Variants in EZH2 observed in about 807,000 individuals in gnomAD.
The protein encoded by EZH2 is enhancer of zeste 2 polycomb repressive complex 2 subunit.
EZH2 carries 18 observed loss-of-function variants against 98.4 expected under a neutral mutation model. The observed-to-expected ratio is 0.18, with a 90% confidence interval of 0.13 to 0.27. The LOEUF (loss-of-function observed/expected upper bound fraction) is 0.27, where lower values mean the gene tolerates loss of function less well. Ranked by LOEUF, EZH2 falls within the 10% of genes least tolerant of loss-of-function variation. EZH2 has a pLI of 1.00. For synonymous variants in EZH2, 338 were observed against 312.3 expected, an observed-to-expected ratio of 1.08 and a Z score of -0.87; for missense variants, 470 against 935.1, an observed-to-expected ratio of 0.50 and a Z score of 6.49.
At chr7:148,818,990 C>T in intron 9 of EZH2, 1 of 453,560 alleles carries the variant, frequency 2.2e-6, no homozygotes, top group African/African-American at 2.0e-5. Flanking sequence ...TCTGCAGGTG[C>T]CATTCAATGA....
intron 12 of EZH2, 59 bp downstream of exon 12, chr7:148,816,625 G>T: frequency 7.8e-7 from 1 of 1,287,098 alleles, no homozygotes. Flanking sequence ...CTTAGGAAGG[G>T]CCTTGCCTGC....
rs183884478 is a variant in EZH2, at chr7:148,837,117, C to T, written c.247-4367G>A. 7.7e-4 allele frequency: 294 copies of T among 380,694 alleles called. 4 individuals carry two copies. The Admixed American group carries it at 9.6e-3, about 12-fold the overall frequency. The allele number at this position is 380,694 out of a possible 1,614,324, so 23.6% of individuals were successfully genotyped here. A position where few individuals can be genotyped will look rare whatever the true frequency, so the allele number is the denominator to read the frequency against. On this transcript the variant is annotated intron_variant, in intron 3 of 19. Transcript: ENST00000320356. ...ACTACCCTGTGAGGTAGGTATGACT[C>T]CCCATTTTACAGTGGACATCCCAAA...
chr7:148,882,273 T>C (rs1821118895), intron 1 of EZH2, among the ~76,000 whole-genome samples: 1 of 152,212 alleles, frequency 6.6e-6, no homozygotes, highest in Non-Finnish European at 1.5e-5. Flanking sequence ...GCACATTAGA[T>C]CTTTATCATA....
chr7:148,882,151 G>C (rs1198192123), intron 1 of EZH2, among the ~76,000 whole-genome samples: 2 of 151,980 alleles, frequency 1.3e-5, no homozygotes, highest in African/African-American at 2.4e-5. Context: ...TCAACACTTA[G>C]ACCAGCACCT....
At chr7:148,819,852 C>T (rs930640226) in intron 8 of EZH2, among the ~76,000 whole-genome samples, 165 bp from the exon 9 acceptor site, 8 of 152,182 alleles carry the variant, frequency 5.3e-5, no homozygotes, top group Non-Finnish European at 7.3e-5. Context: ...ATGATCACAA[C>T]GTATTCTCCA....
chr7:148,874,364 G>A (rs1196706477), intron 1 of EZH2, among the ~76,000 whole-genome samples: 1 of 152,038 alleles, frequency 6.6e-6, no homozygotes, highest in African/African-American at 2.4e-5. Flanking sequence ...ATCCAGGCTG[G>A]GTGACAGAGC....
chr7:148,836,534 C>G (rs914753210), intron 3 of EZH2, among the ~76,000 whole-genome samples: 2 of 152,176 alleles, frequency 1.3e-5, no homozygotes, highest in Non-Finnish European at 2.9e-5. Context: ...TCATGTCACT[C>G]AGAGTAGTGA....
rs770853989 is a variant in EZH2 at position 148,815,562 on chromosome 7, GA to G, written c.1506-17del. On this transcript the variant is annotated splice_polypyrimidine_tract_variant and intron_variant, in intron 12 of 19. Transcript: ENST00000320356. ...AGCCCACAACCTGCAAAAACACAAA[GA>G]AAATTAAACCAAATTTCTGCGGGAA... 3.1e-6 allele frequency: 5 copies of G among 1,613,450 alleles called. No homozygotes were observed. The African/African-American group carries it at 6.7e-5, about 22-fold the overall frequency.
chr7:148,832,723 G>C lies in EZH2; in HGVS notation c.274C>G (p.Pro92Ala), dbSNP rs759576587. ...GTCTTTAATGGGATGACTTGTGTTG[G>C]AAAATCCAAGTCACTGGTCACCGAA... ...ECSVTSDLDF[P>A]TQVIPLKTLN... The change falls in exon 4 of 20, where the codon CCA becomes GCA. Residue 92 changes from proline (P) to alanine (A), a missense_variant. Pro to Ala is a conservative substitution (Grantham distance 27). Transcript: ENST00000320356. 1 of 1,607,332 alleles carries C rather than the reference G, an allele frequency of 6.2e-7. No homozygotes were observed. Among genetic ancestry groups the C allele is most frequent in the South Asian group, 1.1e-5 (1 of 90,276 alleles).
At chr7:148,815,928 C>G (rs1456134874) in intron 12 of EZH2, among the ~76,000 whole-genome samples, 1 of 151,646 alleles carries the variant, frequency 6.6e-6, no homozygotes, top group Non-Finnish European at 1.5e-5. Context: ...ATAATTCAAC[C>G]AAAATTTCAG....
At chr7:148,817,189 C>A (rs751546551) in intron 11 of EZH2, 33 bp downstream of exon 11, 2 of 1,585,910 alleles carry the variant, frequency 1.3e-6, no homozygotes. Flanking sequence ...ATGTTTGAAG[C>A]TCTTTTAACA....
At chr7:148,829,634 A>G (rs1203367210) in intron 5 of EZH2, 94 bp downstream of exon 5, 4 of 1,375,356 alleles carry the variant, frequency 2.9e-6, no homozygotes, top group African/African-American at 3.0e-5. Flanking sequence ...TAATTTTAAT[A>G]TTAAAATTTT....
chr7:148,873,800 T>G (rs1175140593), intron 1 of EZH2, among the ~76,000 whole-genome samples: 1 of 152,020 alleles, frequency 6.6e-6, no homozygotes, highest in East Asian at 1.9e-4. Context: ...TACAAAAACC[T>G]TTTTCTAAGC....
At chr7:148,818,144 G>T in intron 9 of EZH2, 27 bp from the exon 10 acceptor site, 1 of 1,518,476 alleles carries the variant, frequency 6.6e-7, no homozygotes, top group South Asian at 1.3e-5. Context: ...GTCAACATCA[G>T]GGCAAAGTTC....
chr7:148,832,854 G>GA (rs1257323957), intron 3 of EZH2, 104 bp from the exon 4 acceptor site: 43 of 641,616 alleles, frequency 6.7e-5, no homozygotes, highest in Middle Eastern at 2.9e-4. Flanking sequence ...ATTTAATTTT[G>GA]AAAAAAAAGT....
intron 6 of EZH2, among the ~76,000 whole-genome samples, chr7:148,827,910 G>A (rs1808190306): frequency 6.6e-6 from 1 of 152,214 alleles, no homozygotes; most frequent in Admixed American, 6.5e-5. Context: ...GAGGTCAGGA[G>A]ATAGAGACCA....
Position 148,817,658 on chromosome 7 carries a change from T to C in EZH2, c.1240+219A>G. 2.2e-5 allele frequency: 15 copies of C among 682,538 alleles called. No individual in the cohort carries two copies. In the South Asian group the frequency reaches 2.7e-4, roughly 12 times the overall value. The allele number at this position is 682,538 out of a possible 1,614,324, so 42.3% of individuals were successfully genotyped here. A position where few individuals can be genotyped will look rare whatever the true frequency, so the allele number is the denominator to read the frequency against. On this transcript the variant is annotated intron_variant, in intron 10 of 19. Coordinates refer to ENST00000320356, the MANE Select transcript of EZH2 (RefSeq NM_004456.5). ...GCACAAAGAATGAGAATAAAGTGCA[T>C]CATCAGCTTTCAAACAACCAAGCAG...
intron 3 of EZH2, among the ~76,000 whole-genome samples, chr7:148,841,294 G>A (rs905389219): frequency 1.3e-5 from 2 of 151,578 alleles, no homozygotes; most frequent in Non-Finnish European, 2.9e-5. Context: ...ATCTATTTCA[G>A]CCTAAATAAA....
intron 4 of EZH2, among the ~76,000 whole-genome samples, chr7:148,831,713 C>G (rs1809455429): frequency 6.6e-6 from 1 of 152,208 alleles, no homozygotes; most frequent in South Asian, 2.1e-4. Context: ...CTCTACTGTA[C>G]AAAGTATAAA....
Sources: gnomAD v4.1 joint callset for allele counts (sites outside exome capture counted in the v4.1 genomes callset) on GRCh38, gnomAD v4.1.1 for gene constraint, MANE v1.5 for transcripts, NCBI Gene and HGNC (gene_info 2026-07-23, HGNC 2026-07-21) for gene names.